The following PARD3B variants were observed in gnomAD, a reference collection of about 807,000 sequenced individuals.
The protein encoded by PARD3B is partitioning defective 3 homolog B.
In PARD3B, 103 loss-of-function variants were observed where a neutral mutation model predicts 130.2. The observed-to-expected ratio is 0.79, with a 90% CI of 0.67 to 0.93. The LOEUF (loss-of-function observed/expected upper bound fraction) is 0.93, where lower values mean the gene tolerates loss of function less well. PARD3B is among the 40% of genes least tolerant of loss of function. The probability of loss-of-function intolerance (pLI) is 0.00; values close to 1 mark genes in which losing one functional copy is unlikely to be tolerated. For synonymous variants in PARD3B, 583 were observed against 553.2 expected, an observed-to-expected ratio of 1.05 and a Z score of -0.76; for missense variants, 1,609 against 1,499.2, an observed-to-expected ratio of 1.07 and a Z score of -1.21.
At chr2:204,850,532 G>C (rs545515053) in intron 2 of PARD3B, among the ~76,000 whole-genome samples, 2 of 151,862 alleles carry the variant, frequency 1.3e-5, no homozygotes, top group Non-Finnish European at 2.9e-5. Flanking sequence ...GATGGGGTGA[G>C]AGTGATGAAA....
intron 2 of PARD3B, among the ~76,000 whole-genome samples, chr2:204,861,162 T>TTC (rs60740602): frequency 0.045 from 4,137 of 91,118 alleles, 253 homozygotes; most frequent in East Asian, 0.083. Context: ...CCTAATACCT[T>TTC]TCTCTCTCTC....
At chr2:205,030,772 G>A (rs976311655) in intron 3 of PARD3B, among the ~76,000 whole-genome samples, 2 of 152,124 alleles carry the variant, frequency 1.3e-5, no homozygotes, top group Admixed American at 1.3e-4. Context: ...GGAAGCTATG[G>A]TAAATTGTTT....
intron 2 of PARD3B, among the ~76,000 whole-genome samples, chr2:204,702,851 C>G (rs886929615): frequency 6.6e-6 from 1 of 152,162 alleles, no homozygotes; most frequent in Non-Finnish European, 1.5e-5. Context: ...GTTAGGATTA[C>G]AGGCGTGAGC....
intron 16 of PARD3B, among the ~76,000 whole-genome samples, chr2:205,296,939 C>T (rs1234682542): frequency 6.6e-6 from 1 of 151,198 alleles, no homozygotes; most frequent in Non-Finnish European, 1.5e-5. Context: ...AAATTTGGCA[C>T]CTGACATTAA....
rs72933828 is a variant in PARD3B, at chr2:205,537,122, A to C, written c.3181-16202A>C. ...TTAGGGATGTTAAGAGTATTAGGCT[A>C]ATGCTTGTAAATCACCTCACAATTC... On this transcript the variant is annotated intron_variant, in intron 21 of 22. Coordinates refer to ENST00000406610, the MANE Select transcript of PARD3B (RefSeq NM_001302769.2). Among the ~76,000 whole-genome samples the C allele has an allele frequency of 5.9e-3, 893 of 152,304 alleles. 8 individuals are homozygous for C. The highest frequency in any genetic ancestry group is 0.011 in the Non-Finnish European group (738 of 68,026).
intron 1 of PARD3B, among the ~76,000 whole-genome samples, chr2:204,613,566 G>T (rs985820589): frequency 6.6e-6 from 1 of 151,924 alleles, no homozygotes; most frequent in Non-Finnish European, 1.5e-5. Context: ...ACCTTCTGGA[G>T]CACTCTTCTA....
chr2:205,170,176 C>T (rs1380252184), intron 11 of PARD3B, among the ~76,000 whole-genome samples: 1 of 152,178 alleles, frequency 6.6e-6, no homozygotes, highest in Non-Finnish European at 1.5e-5. Context: ...GGGATCCGCC[C>T]ACCTCGGCCT....
At chr2:205,373,396 A>C (rs1054998799) in intron 18 of PARD3B, among the ~76,000 whole-genome samples, 12 of 152,130 alleles carry the variant, frequency 7.9e-5, no homozygotes, top group Admixed American at 4.6e-4. Context: ...TATGTCTATT[A>C]GAATTTTTCA....
At position 205,046,006 on chromosome 2, in the gene PARD3B, A is replaced by G. The variant is rs149625200; in HGVS notation, c.395-1575A>G. ...ACTTGTAATTTACTGGCCTGATTAAATGCTTGGAAATAAACCAGAGTTCTT... is the reference window on the plus strand; with the variant it reads ...ACTTGTAATTTACTGGCCTGATTAAGTGCTTGGAAATAAACCAGAGTTCTT... On this transcript the variant is annotated intron_variant, in intron 3 of 22. Coordinates refer to ENST00000406610, the MANE Select transcript of PARD3B (RefSeq NM_001302769.2). 3.8e-3 allele frequency among the ~76,000 whole-genome samples: 584 copies of G among 152,276 alleles called. 2 individuals are homozygous for G. The highest frequency in any genetic ancestry group is 0.014 in the Middle Eastern group (4 of 294).
intron 3 of PARD3B, among the ~76,000 whole-genome samples, chr2:204,978,573 A>C (rs368521215): frequency 6.6e-6 from 1 of 152,204 alleles, no homozygotes; most frequent in Non-Finnish European, 1.5e-5. Context: ...AATTCCACCA[A>C]CTTTATTGCT....
At position 204,657,119 on chromosome 2, in the gene PARD3B, G is replaced by C. The variant is rs550222788; in HGVS notation, c.121-29062G>C. Among the ~76,000 whole-genome samples, 5 of 152,260 alleles carry C rather than the reference G, an allele frequency of 3.3e-5. No individual in the cohort carries two copies. In the South Asian group the frequency reaches 6.2e-4, roughly 19 times the overall value. On this transcript the variant is annotated intron_variant, in intron 1 of 22. Transcript: ENST00000406610. ...GATGCACAGATTCCATCCCACTGTC[G>C]TATCACTTTCTTCTCTTCACAGGAA...
At chr2:204,831,357 ATTC>A (rs2043810784) in intron 2 of PARD3B, among the ~76,000 whole-genome samples, 2 of 152,370 alleles carry the variant, frequency 1.3e-5, no homozygotes, top group South Asian at 4.1e-4. Flanking sequence ...TGAGGACAAC[ATTC>A]TTTAAATATC....
At chr2:205,049,102 G>A (rs1413706372) in intron 4 of PARD3B, among the ~76,000 whole-genome samples, 1 of 152,178 alleles carries the variant, frequency 6.6e-6, no homozygotes, top group Non-Finnish European at 1.5e-5. Context: ...GTGTGTCTGT[G>A]TACCCTAAAA....
intron 16 of PARD3B, among the ~76,000 whole-genome samples, chr2:205,267,741 A>G (rs1288151805): frequency 2.0e-5 from 3 of 152,158 alleles, no homozygotes; most frequent in African/African-American, 7.2e-5. Context: ...GAAAAGGCAG[A>G]TAGAGGGGTG....
At chr2:205,317,812 C>G (rs2042611393) in intron 18 of PARD3B, among the ~76,000 whole-genome samples, 1 of 152,050 alleles carries the variant, frequency 6.6e-6, no homozygotes, top group South Asian at 2.1e-4. Flanking sequence ...TAAAAGGAAG[C>G]TTGAGTGAAC....
chr2:204,825,022 TG>T (rs890382225), intron 2 of PARD3B, among the ~76,000 whole-genome samples: 7 of 152,200 alleles, frequency 4.6e-5, no homozygotes, highest in African/African-American at 9.6e-5. Context: ...AGGGAGCATA[TG>T]TTTTTTTTCC....
intron 1 of PARD3B, among the ~76,000 whole-genome samples, chr2:204,591,480 C>T (rs923745029): frequency 3.3e-5 from 5 of 152,292 alleles, no homozygotes; most frequent in Admixed American, 2.6e-4. Flanking sequence ...AATATGAATG[C>T]CCAGTGATTA....
intron 20 of PARD3B, among the ~76,000 whole-genome samples, chr2:205,468,445 A>G (rs762349284): frequency 2.0e-5 from 3 of 152,240 alleles, no homozygotes; most frequent in Non-Finnish European, 4.4e-5. Flanking sequence ...TGATGTAACA[A>G]CAGATGTAGT....
At chr2:205,379,462 T>C (rs2045221583) in intron 18 of PARD3B, among the ~76,000 whole-genome samples, 1 of 151,510 alleles carries the variant, frequency 6.6e-6, no homozygotes, top group Non-Finnish European at 1.5e-5. Context: ...AGTCTAATAT[T>C]ATTATATTTG....
Sources: gnomAD v4.1 joint callset for allele counts (sites outside exome capture counted in the v4.1 genomes callset) on GRCh38, gnomAD v4.1.1 for gene constraint, MANE v1.5 for transcripts, NCBI Gene and HGNC (gene_info 2026-07-23, HGNC 2026-07-21) for gene names.